The following NRG1 variants were observed in gnomAD, a reference collection of about 807,000 sequenced individuals.
NRG1 encodes pro-neuregulin-1, membrane-bound isoform.
NRG1 carries 18 observed loss-of-function variants against 63.8 expected under a neutral mutation model. The observed-to-expected ratio is 0.28, with a 90% confidence interval of 0.19 to 0.42. The LOEUF is 0.42. Among genes scored for constraint, NRG1 ranks in the 10% least tolerant of loss-of-function variants. The probability of loss-of-function intolerance (pLI) is 1.00; values close to 1 mark genes in which losing one functional copy is unlikely to be tolerated. For synonymous variants in NRG1, 302 were observed against 301.3 expected (o/e 1.00, Z -0.02); for missense variants, 762 against 814.7 (o/e 0.94, Z 0.79).
chr8:32,735,752 G>A (rs1420282167), intron 6 of NRG1, among the ~76,000 whole-genome samples: 2 of 152,182 alleles, frequency 1.3e-5, no homozygotes, highest in African/African-American at 4.8e-5. Context: ...TTCTGCAGAT[G>A]AGCATTTCAG....
intron 1 of NRG1, among the ~76,000 whole-genome samples, chr8:32,559,002 C>T (rs955608962): frequency 8.8e-5 from 13 of 148,248 alleles, no homozygotes; most frequent in African/African-American, 3.2e-4. Flanking sequence ...TCACTTGAGC[C>T]CAGGAGGTTG....
chr8:32,321,211 A>C (rs1391770726), intron 1 of NRG1, among the ~76,000 whole-genome samples: 1 of 152,254 alleles, frequency 6.6e-6, no homozygotes, highest in African/African-American at 2.4e-5. Flanking sequence ...GTCAATTTCA[A>C]AATTACCTCG....
intron 5 of NRG1, among the ~76,000 whole-genome samples, chr8:32,701,277 TAGTA>T (rs1417949241): frequency 6.6e-6 from 1 of 152,228 alleles, no homozygotes; most frequent in Non-Finnish European, 1.5e-5. Flanking sequence ...TTGGACTTTT[TAGTA>T]AGTCAGACAT....
chr8:31,950,645 G>GT (rs1169227682), intron 1 of NRG1, among the ~76,000 whole-genome samples: 2 of 152,102 alleles, frequency 1.3e-5, no homozygotes, highest in African/African-American at 4.8e-5. Context: ...TTAAGGCTTT[G>GT]TTTTTTTCTT....
intron 1 of NRG1, among the ~76,000 whole-genome samples, chr8:32,069,768 T>C (rs529559559): frequency 6.6e-6 from 1 of 152,252 alleles, no homozygotes; most frequent in African/African-American, 2.4e-5. Context: ...GTTGGCAGAC[T>C]GAGGGGCACT....
At chr8:31,988,128 C>T (rs1401348664) in intron 1 of NRG1, among the ~76,000 whole-genome samples, 3 of 152,224 alleles carry the variant, frequency 2.0e-5, no homozygotes, top group African/African-American at 4.8e-5. Flanking sequence ...CTTAGATTTC[C>T]TTACTAAACA....
chr8:32,157,783 T>C (rs1006151951), intron 1 of NRG1, among the ~76,000 whole-genome samples: 3 of 151,612 alleles, frequency 2.0e-5, no homozygotes, highest in Non-Finnish European at 2.9e-5. Flanking sequence ...AAACTTATAA[T>C]TGCTATAAAT....
At chr8:32,280,680 G>GTTTTTTTTT (rs1235833561) in intron 1 of NRG1, among the ~76,000 whole-genome samples, 1 of 53,758 alleles carries the variant, frequency 1.9e-5, no homozygotes, top group African/African-American at 7.0e-5. Context: ...ACTGAATTAG[G>GTTTTTTTTT]TTTTTTTTTT....
chr8:32,471,121 T>C (rs1000788959), intron 1 of NRG1, among the ~76,000 whole-genome samples: 12 of 151,982 alleles, frequency 7.9e-5, no homozygotes, highest in African/African-American at 2.9e-4. Context: ...GTCATTTATG[T>C]CTATTGAAAT....
chr8:32,581,903 T>C (rs2129531929), intron 1 of NRG1, among the ~76,000 whole-genome samples: 1 of 152,200 alleles, frequency 6.6e-6, no homozygotes, highest in East Asian at 1.9e-4. Context: ...GATTGAACCA[T>C]CTTACAGCCT....
At chr8:32,417,989 C>T (rs557073759) in intron 1 of NRG1, among the ~76,000 whole-genome samples, 2 of 151,868 alleles carry the variant, frequency 1.3e-5, no homozygotes, top group African/African-American at 2.4e-5. Flanking sequence ...TAATAGCTTC[C>T]AGATAAATCC....
intron 7 of NRG1, among the ~76,000 whole-genome samples, chr8:32,773,979 A>AT (rs1831949786): frequency 6.6e-6 from 1 of 152,152 alleles, no homozygotes. Flanking sequence ...CACCTGTATT[A>AT]TTTTTTGCAT....
intron 1 of NRG1, among the ~76,000 whole-genome samples, chr8:32,149,629 C>A (rs1488145114): frequency 6.6e-6 from 1 of 152,084 alleles, no homozygotes; most frequent in Non-Finnish European, 1.5e-5. Context: ...TTTGTATCCC[C>A]AGGAGACACT....
intron 3 of NRG1, among the ~76,000 whole-genome samples, chr8:32,610,980 A>G (rs570672871): frequency 4.7e-4 from 71 of 152,268 alleles, no homozygotes; most frequent in South Asian, 1.9e-3. Context: ...CAGTCTGTAT[A>G]TAGGAAACCT....
chr8:32,216,391 T>C (rs575636401), intron 1 of NRG1, among the ~76,000 whole-genome samples: 2 of 148,826 alleles, frequency 1.3e-5, no homozygotes, highest in South Asian at 4.2e-4. Context: ...ACTATAGAAA[T>C]GGCAGCAGAG....
At chr8:32,431,968 A>G (rs1322578697) in intron 1 of NRG1, among the ~76,000 whole-genome samples, 2 of 152,176 alleles carry the variant, frequency 1.3e-5, no homozygotes, top group Admixed American at 1.3e-4. Context: ...CACACATGGT[A>G]GTCGTTATTA....
At chr8:32,323,950 C>G (rs774705025) in intron 1 of NRG1, among the ~76,000 whole-genome samples, 5 of 152,288 alleles carry the variant, frequency 3.3e-5, no homozygotes, top group Middle Eastern at 3.4e-3. Flanking sequence ...AAAATGTTTC[C>G]TATCACACAT....
chr8:32,025,792 C>G (rs1817177390), intron 1 of NRG1, among the ~76,000 whole-genome samples: 1 of 151,376 alleles, frequency 6.6e-6, no homozygotes, highest in Admixed American at 6.6e-5. Flanking sequence ...GTAAAAAATA[C>G]AAAAAATTAG....
intron 1 of NRG1, among the ~76,000 whole-genome samples, chr8:32,182,553 G>A (rs1039777024): frequency 2.6e-5 from 4 of 152,116 alleles, no homozygotes; most frequent in Non-Finnish European, 4.4e-5. Flanking sequence ...GGCCCCACAG[G>A]CTTCACAGTC....
Sources: gnomAD v4.1 joint callset for allele counts (sites outside exome capture counted in the v4.1 genomes callset) on GRCh38, gnomAD v4.1.1 for gene constraint, MANE v1.5 for transcripts, NCBI Gene and HGNC (gene_info 2026-07-23, HGNC 2026-07-21) for gene names.